COL25A1: variants seen among roughly 807,000 people sequenced by gnomAD.
The protein encoded by COL25A1 is collagen alpha-1(XXV) chain.
Under a neutral mutation model 128.4 loss-of-function variants are expected in COL25A1, and 103 were observed. The ratio of observed to expected loss-of-function variants is 0.80; its 90% confidence interval spans 0.68 to 0.94. The LOEUF is 0.94. Ranked by LOEUF, COL25A1 falls within the 40% of genes least tolerant of loss-of-function variation. COL25A1 has a pLI of 0.00. For missense variants in COL25A1, 745 were observed against 840.0 expected (o/e 0.89, Z 1.40); for synonymous variants, 279 against 277.2 (o/e 1.01, Z -0.06).
At chr4:108,916,985 TAACTG>T (rs1028421571) in intron 13 of COL25A1, among the ~76,000 whole-genome samples, 2 of 152,184 alleles carry the variant, frequency 1.3e-5, no homozygotes, top group Non-Finnish European at 2.9e-5. Flanking sequence ...GAATTTCACT[TAACTG>T]AAGTGAAGGA....
At chr4:109,288,114 C>G (rs1238631832) in intron 3 of COL25A1, among the ~76,000 whole-genome samples, 1 of 152,124 alleles carries the variant, frequency 6.6e-6, no homozygotes, top group Non-Finnish European at 1.5e-5. Flanking sequence ...TCATATCAGG[C>G]AAATGCAGTC....
chr4:108,857,489 G>A lies in COL25A1; in HGVS notation c.1320+2167C>T, dbSNP rs75022974. ...TGTCCAAGCAACATTTCTCCAAGCA[G>A]TAAACATGCTTCTGTTTGTATTTTA... On this transcript the variant is annotated intron_variant, in intron 24 of 37. Transcript: ENST00000399132. Among the ~76,000 whole-genome samples, 913 of 148,680 alleles carry A rather than the reference G, an allele frequency of 6.1e-3. 8 individuals carry two copies. The highest frequency in any genetic ancestry group is 0.021 in the African/African-American group (867 of 40,832).
chr4:109,098,988 T>C (rs1261487046), intron 3 of COL25A1, among the ~76,000 whole-genome samples: 2 of 152,196 alleles, frequency 1.3e-5, no homozygotes, highest in East Asian at 3.8e-4. Flanking sequence ...TCTCCTTATC[T>C]ACAAAATAGC....
chr4:108,929,693 G>A (rs1256792028), intron 11 of COL25A1, among the ~76,000 whole-genome samples: 1 of 152,004 alleles, frequency 6.6e-6, no homozygotes, highest in Non-Finnish European at 1.5e-5. Flanking sequence ...TGGGTATGGT[G>A]GTGCATGCCT....
At chr4:109,217,781 A>C (rs1313477982) in intron 3 of COL25A1, among the ~76,000 whole-genome samples, 1 of 152,166 alleles carries the variant, frequency 6.6e-6, no homozygotes, top group Non-Finnish European at 1.5e-5. Context: ...AATACAATGC[A>C]AATGCTATGT....
At chr4:108,843,912 ATTT>A (rs35437676) in intron 30 of COL25A1, among the ~76,000 whole-genome samples, 8 of 125,338 alleles carry the variant, frequency 6.4e-5, no homozygotes, top group Admixed American at 1.7e-4. Context: ...TATTATTATT[ATTT>A]TTGAGATAGA....
chr4:109,301,904 G>A lies in COL25A1; in HGVS notation c.116C>T (p.Ala39Val), dbSNP rs777770987. Residue 39 changes from alanine (A) to valine (V), a missense_variant, in exon 2 of 38, where the codon GCC (alanine) becomes GTC (valine). Ala to Val is a moderately conservative substitution (Grantham distance 64). Coordinates refer to ENST00000399132, the MANE Select transcript of COL25A1 (RefSeq NM_198721.4). Reference sequence around the variant, plus strand: ...CACCACGGCCACCACTGACAGGAGGGCCGCCAGGACGGCACACGGGGGCAT... The same window carrying A: ...CACCACGGCCACCACTGACAGGAGGACCGCCAGGACGGCACACGGGGGCAT... ...RTMPPCAVLA[A>V]LLSVVAVVSC... The A allele has an allele frequency of 4.2e-5, 68 of 1,614,016 alleles. No individual in the cohort carries two copies. Among genetic ancestry groups the A allele is most frequent in the Non-Finnish European group, 5.4e-5 (64 of 1,180,052 alleles).
At chr4:109,156,631 G>A (rs1772063215) in intron 3 of COL25A1, among the ~76,000 whole-genome samples, 1 of 152,078 alleles carries the variant, frequency 6.6e-6, no homozygotes, top group African/African-American at 2.4e-5. Flanking sequence ...AAAAACTAAG[G>A]CCTGTTTGAA....
At chr4:108,874,828 A>T (rs1739242154) in intron 19 of COL25A1, among the ~76,000 whole-genome samples, 1 of 152,244 alleles carries the variant, frequency 6.6e-6, no homozygotes, top group African/African-American at 2.4e-5. Flanking sequence ...TGAATAGCAT[A>T]AGAATAAGTT....
At chr4:109,125,905 TA>T (rs1768553966) in intron 3 of COL25A1, among the ~76,000 whole-genome samples, 1 of 152,162 alleles carries the variant, frequency 6.6e-6, no homozygotes, top group African/African-American at 2.4e-5. Flanking sequence ...TTGGGGACCT[TA>T]AAAAATACTA....
intron 13 of COL25A1, among the ~76,000 whole-genome samples, chr4:108,901,997 T>C (rs1157563285): frequency 6.6e-6 from 1 of 152,044 alleles, no homozygotes; most frequent in Non-Finnish European, 1.5e-5. Flanking sequence ...TTTAAAACAT[T>C]CTGAAAGCCC....
intron 8 of COL25A1, among the ~76,000 whole-genome samples, chr4:108,952,937 T>C (rs1436856658): frequency 6.8e-6 from 1 of 147,858 alleles, no homozygotes; most frequent in Non-Finnish European, 1.5e-5. Context: ...GTTTAATGAG[T>C]ATTTGCTAAA....
At chr4:109,210,254 C>A (rs1463320348) in intron 3 of COL25A1, among the ~76,000 whole-genome samples, 1 of 151,996 alleles carries the variant, frequency 6.6e-6, no homozygotes, top group African/African-American at 2.4e-5. Context: ...CAAAAAACTC[C>A]ATTTTATATT....
At chr4:108,967,924 G>A (rs1207601720) in intron 8 of COL25A1, among the ~76,000 whole-genome samples, 2 of 152,144 alleles carry the variant, frequency 1.3e-5, no homozygotes, top group African/African-American at 2.4e-5. Flanking sequence ...GAAATAAAGA[G>A]AATCAATTAT....
Position 109,155,749 on chromosome 4 carries a change from C to T in COL25A1, c.368-105570G>A, listed in dbSNP as rs1771972519. On this transcript the variant is annotated intron_variant, in intron 3 of 37. Coordinates refer to ENST00000399132, the MANE Select transcript of COL25A1 (RefSeq NM_198721.4). ...CAGAGCAATTCAGATGTCCAAAGTT[C>T]CGTTTTGTTCACTCACATAGAATGA... is the stretch of plus-strand genomic sequence containing the variant. 3.9e-5 allele frequency among the ~76,000 whole-genome samples: 6 copies of T among 152,296 alleles called. No homozygotes were observed. In the South Asian group the frequency reaches 1.2e-3, roughly 32 times the overall value.
At chr4:109,117,332 G>A (rs1686915232) in intron 3 of COL25A1, among the ~76,000 whole-genome samples, 1 of 152,006 alleles carries the variant, frequency 6.6e-6, no homozygotes, top group Non-Finnish European at 1.5e-5. Context: ...CAGAACCCAT[G>A]TAAACGAGAA....
intron 13 of COL25A1, among the ~76,000 whole-genome samples, chr4:108,916,319 T>G (rs954030970): frequency 6.6e-6 from 1 of 152,200 alleles, no homozygotes; most frequent in Non-Finnish European, 1.5e-5. Context: ...ACTGCAAATA[T>G]TAACTATTTC....
intron 8 of COL25A1, among the ~76,000 whole-genome samples, chr4:108,944,041 T>A (rs1464755758): frequency 6.6e-6 from 1 of 152,188 alleles, no homozygotes; most frequent in Admixed American, 6.5e-5. Context: ...TGTTTTTCAT[T>A]TTAAGAAAGG....
chr4:109,222,970 A>G (rs1778528967), intron 3 of COL25A1, among the ~76,000 whole-genome samples: 1 of 152,196 alleles, frequency 6.6e-6, no homozygotes, highest in African/African-American at 2.4e-5. Context: ...GGGTGTATAA[A>G]CATTTTGTAT....
Sources: gnomAD v4.1 joint callset for allele counts (sites outside exome capture counted in the v4.1 genomes callset) on GRCh38, gnomAD v4.1.1 for gene constraint, MANE v1.5 for transcripts, NCBI Gene and HGNC (gene_info 2026-07-23, HGNC 2026-07-21) for gene names.